Variants in PDE11A observed in about 807,000 individuals in gnomAD.
PDE11A encodes the protein dual 3',5'-cyclic-AMP and -GMP phosphodiesterase 11A.
Under a neutral mutation model 100.5 loss-of-function variants are expected in PDE11A, and 100 were observed. The ratio of observed to expected loss-of-function variants is 1.00; its 90% CI spans 0.85 to 1.18. The LOEUF is 1.18. PDE11A is among the 50% of genes most tolerant of loss of function. PDE11A has a pLI of 0.00. For missense variants in PDE11A, 1,141 were observed against 1,152.6 expected (o/e 0.99, Z 0.15); for synonymous variants, 381 against 420.8 (o/e 0.91, Z 1.16).
intron 2 of PDE11A, among the ~76,000 whole-genome samples, chr2:177,906,005 G>T (rs543596099): frequency 2.6e-5 from 4 of 152,156 alleles, no homozygotes; most frequent in Non-Finnish European, 4.4e-5. Flanking sequence ...CAGAATCTCT[G>T]ATTCCAGAGA....
intron 1 of PDE11A, among the ~76,000 whole-genome samples, chr2:178,047,698 G>A (rs575499811): frequency 6.6e-6 from 1 of 152,172 alleles, no homozygotes; most frequent in South Asian, 2.1e-4. Context: ...AGAATAACCT[G>A]CTACAAAGCT....
chr2:177,807,858 C>T (rs2082895444), intron 9 of PDE11A, among the ~76,000 whole-genome samples: 1 of 152,204 alleles, frequency 6.6e-6, no homozygotes. Context: ...ACTGTTTTCA[C>T]TAGTCTTTGT....
intron 10 of PDE11A, among the ~76,000 whole-genome samples, chr2:177,762,183 T>A (rs1355296689): frequency 6.6e-6 from 1 of 152,114 alleles, no homozygotes; most frequent in African/African-American, 2.4e-5. Context: ...CCATGATGAC[T>A]GTACAATGAT....
At chr2:177,937,134 TC>T (rs1369970891) in intron 2 of PDE11A, among the ~76,000 whole-genome samples, 1 of 152,028 alleles carries the variant, frequency 6.6e-6, no homozygotes, top group African/African-American at 2.4e-5. Context: ...ATTAGAGTGA[TC>T]ATACATCACA....
At chr2:178,008,949 A>G (rs189644899) in intron 2 of PDE11A, among the ~76,000 whole-genome samples, 1 of 152,312 alleles carries the variant, frequency 6.6e-6, no homozygotes, top group Non-Finnish European at 1.5e-5. Flanking sequence ...GCCAAAGAAG[A>G]ACTTCAAACC....
At chr2:177,697,582 C>A (rs2081133053) in intron 14 of PDE11A, 150 bp from the exon 15 acceptor site, 4 of 612,208 alleles carry the variant, frequency 6.5e-6, no homozygotes, top group African/African-American at 5.6e-5. Flanking sequence ...TAAACAGATT[C>A]TCTGGCAAAC....
intron 6 of PDE11A, among the ~76,000 whole-genome samples, chr2:177,831,486 A>G (rs2083307408): frequency 6.6e-6 from 1 of 152,232 alleles, no homozygotes; most frequent in Non-Finnish European, 1.5e-5. Context: ...TTGATAGAGT[A>G]AATTATCTCT....
intron 15 of PDE11A, among the ~76,000 whole-genome samples, chr2:177,682,371 G>A (rs2080878820): frequency 6.6e-6 from 1 of 152,174 alleles, no homozygotes; most frequent in Admixed American, 6.5e-5. Flanking sequence ...ATGTTCTCAG[G>A]ACTTGCTGAG....
At chr2:177,663,586 G>T (rs2080518816) in intron 19 of PDE11A, among the ~76,000 whole-genome samples, 1 of 152,146 alleles carries the variant, frequency 6.6e-6, no homozygotes, top group African/African-American at 2.4e-5. Flanking sequence ...CAGTTTGAGA[G>T]ATAGTAAATA....
At chr2:177,940,663 A>G (rs2085335462) in intron 2 of PDE11A, among the ~76,000 whole-genome samples, 1 of 152,220 alleles carries the variant, frequency 6.6e-6, no homozygotes, top group South Asian at 2.1e-4. Context: ...TCAAGAAATC[A>G]CCCTGAAGTG....
intron 5 of PDE11A, among the ~76,000 whole-genome samples, chr2:177,860,576 A>G (rs2083928557): frequency 1.3e-5 from 2 of 151,798 alleles, no homozygotes; most frequent in Admixed American, 1.3e-4. Context: ...AAAAATAAAA[A>G]AAGTGGAGAC....
chr2:177,692,955 C>G (rs905237395), intron 15 of PDE11A, among the ~76,000 whole-genome samples: 5 of 152,150 alleles, frequency 3.3e-5, no homozygotes, highest in African/African-American at 1.2e-4. Context: ...CTCCAAAAGG[C>G]AGGGCTCTAC....
chr2:177,969,533 G>A (rs768867612), intron 2 of PDE11A, among the ~76,000 whole-genome samples: 1 of 152,118 alleles, frequency 6.6e-6, no homozygotes, highest in Non-Finnish European at 1.5e-5. Flanking sequence ...TTGTTAAGCT[G>A]TGCTAATAGA....
chr2:177,913,955 C>G (rs966103335), intron 2 of PDE11A, among the ~76,000 whole-genome samples: 2 of 152,058 alleles, frequency 1.3e-5, no homozygotes, highest in African/African-American at 2.4e-5. Flanking sequence ...GCCAAATCAT[C>G]CTCCAAAAAG....
intron 13 of PDE11A, 151 bp from the exon 14 acceptor site, chr2:177,701,362 A>G: frequency 4.5e-6 from 3 of 668,786 alleles, no homozygotes; most frequent in Non-Finnish European, 8.2e-6. Context: ...CATCTATGAA[A>G]TAAATCGTTC....
chr2:177,638,522 G>A (rs2080088246), intron 19 of PDE11A, among the ~76,000 whole-genome samples: 1 of 152,184 alleles, frequency 6.6e-6, no homozygotes, highest in Non-Finnish European at 1.5e-5. Context: ...TGGGTCAGAT[G>A]TTTTTGCTTC....
intron 4 of PDE11A, among the ~76,000 whole-genome samples, chr2:177,879,707 C>T (rs976298750): frequency 1.3e-5 from 2 of 151,950 alleles, no homozygotes; most frequent in African/African-American, 4.8e-5. Flanking sequence ...GGAATAGCAA[C>T]TGAGGGATAT....
intron 9 of PDE11A, among the ~76,000 whole-genome samples, chr2:177,813,851 T>C (rs2082992262): frequency 6.7e-6 from 1 of 148,982 alleles, no homozygotes; most frequent in African/African-American, 2.5e-5. Context: ...AAAAAGACAC[T>C]GCAATAAGGT....
chr2:177,932,894 G>A (rs1474599471), intron 2 of PDE11A, among the ~76,000 whole-genome samples: 1 of 151,458 alleles, frequency 6.6e-6, no homozygotes, highest in African/African-American at 2.4e-5. Flanking sequence ...TTTCGCTAAT[G>A]ATATGATTCT....
Sources: allele counts gnomAD v4.1 joint callset (sites outside exome capture counted in the v4.1 genomes callset), GRCh38; gene constraint gnomAD v4.1.1; transcripts MANE v1.5; gene names NCBI Gene and HGNC (gene_info 2026-07-23, HGNC 2026-07-21).